Variants in NAALADL2 observed in about 807,000 individuals in gnomAD.
NAALADL2 encodes N-acetylated alpha-linked acidic dipeptidase like 2, also known as inactive N-acetylated-alpha-linked acidic dipeptidase-like protein 2.
In NAALADL2, 76 loss-of-function variants were observed where a neutral mutation model predicts 87.2. The observed-to-expected ratio is 0.87, with a 90% CI of 0.72 to 1.05. NAALADL2 has a LOEUF of 1.05. NAALADL2 is among the 50% of genes least tolerant of loss of function. The pLI is 0.00. For missense variants in NAALADL2, 1,089 were observed against 945.8 expected, an observed-to-expected ratio of 1.15 and a Z score of -1.99; for synonymous variants, 354 against 331.0, an observed-to-expected ratio of 1.07 and a Z score of -0.75.
At chr3:175,027,985 C>T (rs942480669) in intron 1 of NAALADL2, among the ~76,000 whole-genome samples, 2 of 151,706 alleles carry the variant, frequency 1.3e-5, no homozygotes, top group Middle Eastern at 3.4e-3. Context: ...AAAGGCAATG[C>T]GAGTCAATAC....
intron 5 of NAALADL2, among the ~76,000 whole-genome samples, chr3:175,435,042 A>G (rs1361669193): frequency 6.6e-6 from 1 of 152,058 alleles, no homozygotes; most frequent in Admixed American, 6.6e-5. Context: ...TATGTGGAGT[A>G]GGGAATTAAT....
intron 1 of NAALADL2, among the ~76,000 whole-genome samples, chr3:175,095,087 T>A (rs1345197714): frequency 1.3e-5 from 2 of 152,048 alleles, no homozygotes; most frequent in Non-Finnish European, 2.9e-5. Flanking sequence ...CCTCAGCATC[T>A]TTGGCCCATG....
chr3:174,686,327 A>G (rs979257986), intron 2 of NAALADL2, among the ~76,000 whole-genome samples: 1 of 152,058 alleles, frequency 6.6e-6, no homozygotes, highest in Non-Finnish European at 1.5e-5. Flanking sequence ...CCTTGGCAGC[A>G]TCTGTTATTT....
At chr3:175,263,094 G>A (rs1163942235) in intron 4 of NAALADL2, among the ~76,000 whole-genome samples, 1 of 151,572 alleles carries the variant, frequency 6.6e-6, no homozygotes, top group Non-Finnish European at 1.5e-5. Context: ...GTCAGCACTA[G>A]AATACAAAAT....
At chr3:175,737,233 A>T in intron 11 of NAALADL2, 73 bp from the exon 12 acceptor site, 1 of 877,614 alleles carries the variant, frequency 1.1e-6, no homozygotes, top group Non-Finnish European at 1.9e-6. Context: ...AATATCTGAA[A>T]TAATGAAAAA....
intron 1 of NAALADL2, among the ~76,000 whole-genome samples, chr3:174,515,788 T>A (rs1719906322): frequency 6.6e-6 from 1 of 151,910 alleles, no homozygotes; most frequent in Non-Finnish European, 1.5e-5. Flanking sequence ...ACAACAGTGA[T>A]TCAAGGTTAT....
intron 4 of NAALADL2, among the ~76,000 whole-genome samples, chr3:175,286,210 G>A (rs1214360242): frequency 1.3e-5 from 2 of 152,152 alleles, no homozygotes; most frequent in Admixed American, 6.5e-5. Context: ...GGTGGAAAAT[G>A]CTATGGCAGT....
chr3:175,677,528 A>G (rs1734981958), intron 11 of NAALADL2, among the ~76,000 whole-genome samples: 1 of 148,984 alleles, frequency 6.7e-6, no homozygotes, highest in Non-Finnish European at 1.5e-5. Context: ...TCTCGTTTAT[A>G]GTGGGGTCAC....
At chr3:174,939,961 C>A (rs547855886) in intron 1 of NAALADL2, among the ~76,000 whole-genome samples, 145 of 152,096 alleles carry the variant, frequency 9.5e-4, no homozygotes, top group Middle Eastern at 3.4e-3. Flanking sequence ...ATAGAAATAG[C>A]TTGACTTCTT....
Position 174,812,388 on chromosome 3 carries a change from G to A in NAALADL2, c.-9+74642G>A, listed in dbSNP as rs538658001. 4.6e-5 allele frequency among the ~76,000 whole-genome samples: 7 copies of A among 152,220 alleles called. No homozygotes were observed. In the South Asian group the frequency reaches 1.5e-3, roughly 32 times the overall value. On this transcript the variant is annotated intron_variant, in intron 3 of 3. Coordinates refer to the NAALADL2 transcript ENST00000434257. ...GCAACAAGTGCTAGTGGTGATGCTG[G>A]TGTAAACAAACTTACTGCATTGTTA...
chr3:175,399,254 G>A (rs1770240779), intron 5 of NAALADL2, among the ~76,000 whole-genome samples: 1 of 151,958 alleles, frequency 6.6e-6, no homozygotes, highest in Non-Finnish European at 1.5e-5. Context: ...CAAGTTATTG[G>A]GATATCAGGA....
chr3:175,294,831 C>T (rs13059425), intron 4 of NAALADL2, among the ~76,000 whole-genome samples: 68,197 of 151,954 alleles, frequency 0.45, 16,258 homozygotes, highest in Non-Finnish European at 0.52. Flanking sequence ...AAAAATTATT[C>T]GGGAGAGTTA....
At chr3:175,141,909 C>A (rs1730055333) in intron 2 of NAALADL2, among the ~76,000 whole-genome samples, 4 of 152,048 alleles carry the variant, frequency 2.6e-5, no homozygotes, top group Admixed American at 6.6e-5. Flanking sequence ...GGAAGGCCAG[C>A]AGAATCTTCA....
At chr3:175,136,754 T>G (rs1219213546) in intron 2 of NAALADL2, among the ~76,000 whole-genome samples, 1 of 152,156 alleles carries the variant, frequency 6.6e-6, no homozygotes, top group Non-Finnish European at 1.5e-5. Flanking sequence ...GCAACACTAT[T>G]TAGCAGATTT....
At chr3:174,475,379 G>T (rs1717154415) in intron 1 of NAALADL2, among the ~76,000 whole-genome samples, 1 of 151,686 alleles carries the variant, frequency 6.6e-6, no homozygotes, top group South Asian at 2.1e-4. Flanking sequence ...TTTCAGAGAA[G>T]ATATTAGATT....
intron 2 of NAALADL2, among the ~76,000 whole-genome samples, chr3:174,564,687 T>C (rs1235333452): frequency 6.6e-6 from 1 of 152,140 alleles, no homozygotes; most frequent in Non-Finnish European, 1.5e-5. Flanking sequence ...ATTATGCACA[T>C]ACAATTGAGA....
In NAALADL2 at chr3:175,786,262, G is replaced by A. The variant is rs1485222562; in HGVS notation, c.2190-16743G>A. Among the ~76,000 whole-genome samples, 104 of 150,282 alleles carry A rather than the reference G, an allele frequency of 6.9e-4. 1 individual carries two copies. Among genetic ancestry groups the A allele is most frequent in the South Asian group, 2.1e-3 (10 of 4,820 alleles). On this transcript the variant is annotated intron_variant, in intron 13 of 13. Coordinates refer to ENST00000454872, the MANE Select transcript of NAALADL2 (RefSeq NM_207015.3). ...AACCTTGGCCTGCCTTGCTAGATTG[G>A]GGAAGTTCTCCTGGATAATATCCTG...
At chr3:175,544,087 C>A (rs1049174139) in intron 9 of NAALADL2, among the ~76,000 whole-genome samples, 6 of 151,888 alleles carry the variant, frequency 4.0e-5, no homozygotes, top group African/African-American at 1.5e-4. Context: ...GGACAGGGCT[C>A]GGATAAAGTT....
chr3:175,113,649 T>C (rs1057066891), intron 2 of NAALADL2, among the ~76,000 whole-genome samples: 2 of 151,402 alleles, frequency 1.3e-5, no homozygotes, highest in Non-Finnish European at 3.0e-5. Flanking sequence ...ATGTTTGCAA[T>C]ACTGTTTTGA....
Sources: allele counts gnomAD v4.1 joint callset (sites outside exome capture counted in the v4.1 genomes callset), GRCh38; gene constraint gnomAD v4.1.1; transcripts MANE v1.5; gene names NCBI Gene and HGNC (gene_info 2026-07-23, HGNC 2026-07-21).